Variants in SNX29 observed in about 807,000 individuals in gnomAD.
The protein encoded by SNX29 is sorting nexin-29.
Under a neutral mutation model 102.1 loss-of-function variants are expected in SNX29, and 78 were observed. The observed-to-expected ratio is 0.76, with a 90% confidence interval of 0.64 to 0.92. SNX29 has a LOEUF of 0.92. SNX29 is among the 40% of genes least tolerant of loss of function. The probability of loss-of-function intolerance (pLI) is 0.00; values close to 1 mark genes in which losing one functional copy is unlikely to be tolerated. For synonymous variants in SNX29, 580 were observed against 414.5 expected, an observed-to-expected ratio of 1.40 and a Z score of -4.85; for missense variants, 1,280 against 1,061.7, an observed-to-expected ratio of 1.21 and a Z score of -2.86.
intron 20 of SNX29, among the ~76,000 whole-genome samples, chr16:12,562,034 A>G (rs5018325): frequency 0.96 from 145,420 of 152,158 alleles, 69,645 homozygotes; most frequent in Middle Eastern, 0.99. Flanking sequence ...TCATGGATTT[A>G]GGGATGGAAT....
At chr16:12,205,510 C>T (rs113363141) in intron 14 of SNX29, among the ~76,000 whole-genome samples, 2,963 of 152,308 alleles carry the variant, frequency 0.019, 51 homozygotes, top group Admixed American at 0.048. Context: ...GTCTCCACCC[C>T]ACCCACGCTG....
intron 16 of SNX29, among the ~76,000 whole-genome samples, chr16:12,367,928 TG>T (rs2082544596): frequency 6.6e-6 from 1 of 152,226 alleles, no homozygotes; most frequent in South Asian, 2.1e-4. Flanking sequence ...TTTGGAAAGA[TG>T]CTTGTGGAAC....
In SNX29 at chr16:12,272,750, C is replaced by G. The variant is rs114334466; in HGVS notation, c.1679-5183C>G. Reference sequence around the variant, plus strand: ...TCTGGCTGTCACTGTCTCCCACTTGCCACCCTTCAGAAGCCCCTCTTGGAA... The same window carrying G: ...TCTGGCTGTCACTGTCTCCCACTTGGCACCCTTCAGAAGCCCCTCTTGGAA... On this transcript the variant is annotated intron_variant, in intron 14 of 20. Coordinates refer to ENST00000566228, the MANE Select transcript of SNX29 (RefSeq NM_032167.5). Among the ~76,000 whole-genome samples the G allele has an allele frequency of 8.8e-3, 1,339 of 152,330 alleles. 31 individuals are homozygous for G. The highest frequency in any genetic ancestry group is 0.03 in the African/African-American group (1,261 of 41,566).
intron 20 of SNX29, among the ~76,000 whole-genome samples, chr16:12,536,323 C>G (rs997794349): frequency 2.6e-5 from 4 of 152,024 alleles, no homozygotes; most frequent in East Asian, 1.9e-4. Flanking sequence ...TGAGAAATTA[C>G]TAATGCAGCA....
chr16:12,042,046 T>C (rs1019183278), intron 4 of SNX29, among the ~76,000 whole-genome samples: 6 of 152,194 alleles, frequency 3.9e-5, no homozygotes, highest in African/African-American at 1.4e-4. Context: ...TCATTATTGT[T>C]TTTGAGGCTG....
At chr16:12,549,047 A>C (rs964064296) in intron 20 of SNX29, among the ~76,000 whole-genome samples, 7 of 151,916 alleles carry the variant, frequency 4.6e-5, no homozygotes, top group African/African-American at 1.7e-4. Flanking sequence ...AGGTGAGTCC[A>C]CTCTTGCAGC....
At chr16:12,516,783 G>A (rs541976108) in intron 19 of SNX29, among the ~76,000 whole-genome samples, 24 of 152,246 alleles carry the variant, frequency 1.6e-4, no homozygotes, top group Middle Eastern at 3.4e-3. Flanking sequence ...CCTGGGGAGG[G>A]GCCCACTGGG....
At chr16:12,001,943 C>A (rs1325868843) in intron 2 of SNX29, among the ~76,000 whole-genome samples, 1 of 151,692 alleles carries the variant, frequency 6.6e-6, no homozygotes, top group Non-Finnish European at 1.5e-5. Context: ...TTGCTTGAGC[C>A]TAGGTATTCG....
chr16:12,416,228 C>G (rs1235405154), intron 18 of SNX29, among the ~76,000 whole-genome samples: 1 of 152,118 alleles, frequency 6.6e-6, no homozygotes, highest in Non-Finnish European at 1.5e-5. Context: ...TTTTCTTAAA[C>G]TGCCCCTCAA....
intron 7 of SNX29, among the ~76,000 whole-genome samples, chr16:12,049,244 T>G (rs1335390159): frequency 6.6e-6 from 1 of 151,752 alleles, no homozygotes; most frequent in Non-Finnish European, 1.5e-5. Context: ...ATCCTAGCAC[T>G]TTGGGAGGCC....
chr16:12,288,835 G>A (rs1327070066), intron 15 of SNX29, among the ~76,000 whole-genome samples: 1 of 152,140 alleles, frequency 6.6e-6, no homozygotes, highest in African/African-American at 2.4e-5. Flanking sequence ...GCTTGGAAGG[G>A]TTAAGTCACC....
At chr16:12,188,662 C>G (rs1304707924) in intron 13 of SNX29, among the ~76,000 whole-genome samples, 1 of 152,118 alleles carries the variant, frequency 6.6e-6, no homozygotes, top group Non-Finnish European at 1.5e-5. Flanking sequence ...TACCAGGTGG[C>G]TAATGAGATG....
intron 13 of SNX29, among the ~76,000 whole-genome samples, chr16:12,195,883 G>A (rs550931633): frequency 1.3e-5 from 2 of 152,102 alleles, no homozygotes; most frequent in African/African-American, 4.8e-5. Context: ...GAGAGGAGAG[G>A]GACATAGGCA....
chr16:12,572,835 G>C lies in SNX29; in HGVS notation c.*4206G>C, dbSNP rs1022503799. The C allele has an allele frequency of 3.8e-6, 4 of 1,063,810 alleles. No homozygotes were observed. In the African/African-American group the frequency reaches 6.6e-5, roughly 17 times the overall value. The allele number at this position is 1,063,810 out of a possible 1,614,324, so 65.9% of individuals were successfully genotyped here. A position where few individuals can be genotyped will look rare whatever the true frequency, so the allele number is the denominator to read the frequency against. On this transcript the variant is annotated 3_prime_UTR_variant, in exon 21 of 21. Coordinates refer to ENST00000566228, the MANE Select transcript of SNX29 (RefSeq NM_032167.5). ...GTTAGGAGGCATCCCAGAAGGGGCAGCCTCATGCCCAGGTTTCAGCCCTAA... is the reference window on the plus strand; with the variant it reads ...GTTAGGAGGCATCCCAGAAGGGGCACCCTCATGCCCAGGTTTCAGCCCTAA...
intron 20 of SNX29, among the ~76,000 whole-genome samples, chr16:12,534,665 G>A (rs559182243): frequency 5.3e-5 from 8 of 152,280 alleles, no homozygotes; most frequent in African/African-American, 1.7e-4. Flanking sequence ...CCCTGCAGAC[G>A]GGCTGTCGGA....
rs556889244 is a variant in SNX29 at position 12,558,602 on chromosome 16, A to G, written c.2319-9904A>G. On this transcript the variant is annotated intron_variant, in intron 20 of 20. Transcript: ENST00000566228. ...CCATACACCTGTCACTCTCTGCCAC[A>G]GCTGCTCACACAGTGCAGGCCCCGA... Among the ~76,000 whole-genome samples, 6 of 152,308 alleles carry G rather than the reference A, an allele frequency of 3.9e-5. No homozygotes were observed. The East Asian group carries it at 1.2e-3, about 29-fold the overall frequency.
Position 12,570,498 on chromosome 16 carries a change from T to TAG in SNX29, c.*1870_*1871dup, listed in dbSNP as rs1567228697. 3 of 232,380 alleles carry TAG rather than the reference T, an allele frequency of 1.3e-5. No homozygotes were observed. Among genetic ancestry groups the TAG allele is most frequent in the East Asian group, 1.2e-4 (2 of 16,434 alleles). 14.4% of individuals were successfully genotyped at this position (232,380 alleles called of 1,614,324 possible). ...CAATCTGCTGTATGTCATGACCCCTTAGGTTGGGTTTATGCCACATCGGTC... is the reference window on the plus strand; with the variant it reads ...CAATCTGCTGTATGTCATGACCCCTTAGAGGTTGGGTTTATGCCACATCGGTC... On this transcript the variant is annotated 3_prime_UTR_variant, in exon 21 of 21. Transcript: ENST00000566228.
At chr16:11,997,139 A>G (rs140410612) in intron 1 of SNX29, among the ~76,000 whole-genome samples, 100 of 152,256 alleles carry the variant, frequency 6.6e-4, no homozygotes, top group African/African-American at 2.4e-3. Flanking sequence ...TGTGACTGAC[A>G]TCTGCCCGCC....
At position 12,077,850 on chromosome 16, in the gene SNX29, A is replaced by C. The variant is rs186249761; in HGVS notation, c.1320-983A>C. Among the ~76,000 whole-genome samples the C allele has an allele frequency of 2.0e-5, 3 of 151,780 alleles. No individual in the cohort carries two copies. In the East Asian group the frequency reaches 5.8e-4, roughly 30 times the overall value. On this transcript the variant is annotated intron_variant, in intron 10 of 20. Coordinates refer to ENST00000566228, the MANE Select transcript of SNX29 (RefSeq NM_032167.5). ...TCGCCAGGCTGGTCTCGAACTCCTG[A>C]CCTCATGTGATCCACCCGCCTCGGC...
Sources: allele counts gnomAD v4.1 joint callset (sites outside exome capture counted in the v4.1 genomes callset), GRCh38; gene constraint gnomAD v4.1.1; transcripts MANE v1.5; gene names NCBI Gene and HGNC (gene_info 2026-07-23, HGNC 2026-07-21).